BAALC: variants seen among roughly 807,000 people sequenced by gnomAD.
The protein encoded by BAALC is BAALC binder of MAP3K1 and KLF4, also known as brain and acute leukemia cytoplasmic protein.
A neutral mutation model predicts 15.5 loss-of-function variants in BAALC; 9 were observed. The observed-to-expected ratio is 0.58, with a 90% CI of 0.35 to 1.02. The LOEUF (loss-of-function observed/expected upper bound fraction) is 1.02. Among genes scored for constraint, BAALC ranks in the 50% least tolerant of loss-of-function variants. The probability of loss-of-function intolerance (pLI) is 0.02; values close to 1 mark genes in which losing one functional copy is unlikely to be tolerated. For missense variants in BAALC, 201 were observed against 192.4 expected, an observed-to-expected ratio of 1.04 and a Z score of -0.27; for synonymous variants, 80 against 74.6, an observed-to-expected ratio of 1.07 and a Z score of -0.37.
intron 1 of BAALC, among the ~76,000 whole-genome samples, chr8:103,149,377 C>T (rs560646713): frequency 6.6e-6 from 1 of 152,312 alleles, no homozygotes; most frequent in South Asian, 2.1e-4. Flanking sequence ...ATCCCAGTCA[C>T]CTGACAGGCC....
intron 1 of BAALC, among the ~76,000 whole-genome samples, chr8:103,144,504 G>A (rs1810841510): frequency 6.6e-6 from 1 of 152,164 alleles, no homozygotes; most frequent in South Asian, 2.1e-4. Flanking sequence ...CTGCTGGATT[G>A]ATTTTTAATT....
intron 1 of BAALC, among the ~76,000 whole-genome samples, chr8:103,147,317 G>T (rs1810897188): frequency 1.3e-5 from 2 of 152,178 alleles, no homozygotes; most frequent in South Asian, 4.1e-4. Flanking sequence ...TATGTAGAAA[G>T]AATGAATAAG....
intron 1 of BAALC, among the ~76,000 whole-genome samples, chr8:103,141,839 C>A (rs1810785448): frequency 6.6e-6 from 1 of 152,182 alleles, no homozygotes; most frequent in South Asian, 2.1e-4. Context: ...AAAGGAGATG[C>A]AAAGAATTGT....
chr8:103,146,292 C>A (rs893047922), intron 1 of BAALC, among the ~76,000 whole-genome samples: 13 of 152,192 alleles, frequency 8.5e-5, no homozygotes, highest in African/African-American at 3.1e-4. Flanking sequence ...TGGAGAGGAA[C>A]AGGAGTGCAG....
chr8:103,215,660 GC>G (rs1274854561), intron 2 of BAALC, among the ~76,000 whole-genome samples: 1 of 152,158 alleles, frequency 6.6e-6, no homozygotes, highest in Admixed American at 6.5e-5. Context: ...ACCCAAGGGG[GC>G]AAAACCAAAC....
At chr8:103,198,946 T>C (rs544962357) in intron 1 of BAALC, among the ~76,000 whole-genome samples, 29 of 152,208 alleles carry the variant, frequency 1.9e-4, no homozygotes, top group Non-Finnish European at 3.8e-4. Flanking sequence ...TACTTGCTTT[T>C]CCATTCATCA....
intron 1 of BAALC, among the ~76,000 whole-genome samples, chr8:103,192,024 G>A (rs912543240): frequency 2.6e-5 from 4 of 152,096 alleles, no homozygotes; most frequent in African/African-American, 7.2e-5. Context: ...GAGAGTCTGG[G>A]TGTCAACAAC....
chr8:103,196,493 C>G (rs1812102109), intron 1 of BAALC, among the ~76,000 whole-genome samples: 2 of 152,120 alleles, frequency 1.3e-5, no homozygotes, highest in South Asian at 4.1e-4. Flanking sequence ...GTTGCCCACA[C>G]TGGTCTTGAA....
At chr8:103,179,339 C>A (rs1283152507) in intron 1 of BAALC, among the ~76,000 whole-genome samples, 1 of 152,100 alleles carries the variant, frequency 6.6e-6, no homozygotes, top group Admixed American at 6.5e-5. Flanking sequence ...GGGTAGGAGC[C>A]CCAGAACACC....
At chr8:103,178,037 G>A (rs1296293995) in intron 1 of BAALC, among the ~76,000 whole-genome samples, 1 of 152,170 alleles carries the variant, frequency 6.6e-6, no homozygotes, top group African/African-American at 2.4e-5. Flanking sequence ...GGGAAATTAG[G>A]AACCATCTGG....
intron 1 of BAALC, among the ~76,000 whole-genome samples, chr8:103,169,417 T>G (rs1049966612): frequency 6.6e-6 from 1 of 152,326 alleles, no homozygotes; most frequent in African/African-American, 2.4e-5. Flanking sequence ...GTCTTTCTCT[T>G]GTTTCGTGGC....
chr8:103,197,080 G>C (rs1368726358), intron 1 of BAALC, among the ~76,000 whole-genome samples: 1 of 152,160 alleles, frequency 6.6e-6, no homozygotes. Flanking sequence ...TTGAACTATG[G>C]ATTACCTTTA....
chr8:103,140,759 G>A lies in BAALC; in HGVS notation c.-139G>A. 1.4e-6 allele frequency: 1 copy of A among 700,976 alleles called. No homozygotes were observed. The highest frequency in any genetic ancestry group is 1.9e-6 in the Non-Finnish European group (1 of 530,062). 43.4% of individuals were successfully genotyped at this position (700,976 alleles called of 1,614,324 possible). ...GCGGCGGGCACCGCAGGAGCTCCGC[G>A]CGGCTGCAGCGCGGGCGGGAGCGGG... On this transcript the variant is annotated 5_prime_UTR_variant, in exon 1 of 3. Transcript: ENST00000309982. This position sits in a 1 kb window ranked among gnomAD's most constrained non-coding sequence, Gnocchi z 4.2.
chr8:103,169,811 A>T (rs1162994778), intron 1 of BAALC, among the ~76,000 whole-genome samples: 1 of 152,164 alleles, frequency 6.6e-6, no homozygotes, highest in Non-Finnish European at 1.5e-5. Context: ...ACAAAACAAC[A>T]ACTTCTTTCA....
intron 1 of BAALC, among the ~76,000 whole-genome samples, chr8:103,173,857 A>T (rs559320488): frequency 1.3e-5 from 2 of 152,248 alleles, no homozygotes; most frequent in South Asian, 4.1e-4. Flanking sequence ...TGGTGCCAGA[A>T]GTGAGTAAAG....
intron 1 of BAALC, among the ~76,000 whole-genome samples, chr8:103,162,892 C>A (rs1349820853): frequency 6.6e-6 from 1 of 152,144 alleles, no homozygotes; most frequent in East Asian, 1.9e-4. Context: ...ACCTTTTGAG[C>A]ATTAGCATAT....
At chr8:103,147,769 C>A (rs188921514) in intron 1 of BAALC, among the ~76,000 whole-genome samples, 22 of 152,326 alleles carry the variant, frequency 1.4e-4, no homozygotes, top group Non-Finnish European at 3.1e-4. Flanking sequence ...CTCAGCAGAC[C>A]TTTGGCCTCC....
intron 2 of BAALC, among the ~76,000 whole-genome samples, chr8:103,227,405 C>T (rs1812830379): frequency 6.6e-6 from 1 of 152,160 alleles, no homozygotes; most frequent in African/African-American, 2.4e-5. Context: ...GGGACTCCCT[C>T]ACAATTTCTT....
At chr8:103,214,647 T>C (rs1045479963) in intron 2 of BAALC, among the ~76,000 whole-genome samples, 11 of 152,204 alleles carry the variant, frequency 7.2e-5, no homozygotes, top group Admixed American at 1.3e-4. Context: ...CTTTCAGAAA[T>C]GACTTAATCT....
Sources: gnomAD v4.1 joint callset for allele counts (sites outside exome capture counted in the v4.1 genomes callset) on GRCh38, gnomAD v4.1.1 for gene constraint, Gnocchi (gnomAD v3.1) non-coding constraint, MANE v1.5 for transcripts, NCBI Gene and HGNC (gene_info 2026-07-23, HGNC 2026-07-21) for gene names.